GDPD3: variants seen among roughly 807,000 people sequenced by gnomAD.
GDPD3 encodes glycerophosphodiester phosphodiesterase domain containing 3, also known as lysophospholipase D GDPD3.
GDPD3 carries 40 observed loss-of-function variants against 43.7 expected under a neutral mutation model. The observed-to-expected ratio is 0.91, with a 90% confidence interval of 0.71 to 1.19. The LOEUF is 1.19. Ranked by LOEUF, GDPD3 falls within the 50% of genes most tolerant of loss-of-function variation. GDPD3 has a pLI of 0.00. For missense variants in GDPD3, 363 were observed against 415.8 expected, an observed-to-expected ratio of 0.87 and a Z score of 1.11; for synonymous variants, 145 against 162.9, an observed-to-expected ratio of 0.89 and a Z score of 0.84.
At position 30,112,243 on chromosome 16, in the gene GDPD3, G is replaced by C. The variant is rs765424635; in HGVS notation, c.484-22C>G. The C allele has an allele frequency of 6.2e-7, 1 of 1,613,670 alleles. No individual in the cohort carries two copies. The highest frequency in any genetic ancestry group is 8.5e-7 in the Non-Finnish European group (1 of 1,179,518). On this transcript the variant is annotated intron_variant, in intron 5 of 9. Transcript: ENST00000406256. The surrounding 1 kb of genome is among the most constrained non-coding windows in gnomAD (Gnocchi z 5.4). ...CTATCTGGGAGGAGGAGAAGGAGGT[G>C]AAGGGAGAGCCAGGCCTCTCTCACG...
chr16:30,109,107 G>A (rs531760992), intron 7 of GDPD3, among the ~76,000 whole-genome samples: 1 of 152,120 alleles, frequency 6.6e-6, no homozygotes, highest in Non-Finnish European at 1.5e-5. Flanking sequence ...TGGGATTACA[G>A]GCGTGAGCCA....
intron 7 of GDPD3, 60 bp downstream of exon 7, chr16:30,111,328 C>T (rs2072896975): frequency 3.2e-6 from 5 of 1,577,092 alleles, no homozygotes; most frequent in South Asian, 2.3e-5. Context: ...ATCTGGGCTC[C>T]TTCTCCACGG....
chr16:30,106,441 C>A (rs1476546178), intron 9 of GDPD3, among the ~76,000 whole-genome samples: 1 of 152,174 alleles, frequency 6.6e-6, no homozygotes, highest in South Asian at 2.1e-4. Flanking sequence ...CCCCCAAACC[C>A]CCATTCCACT....
In GDPD3 at chr16:30,113,039, G is replaced by T. The variant is rs368935847; in HGVS notation, c.165C>A (p.Thr55=). Residue 55 remains threonine, a synonymous_variant, in exon 2 of 10, where the codon ACC becomes ACA. Transcript: ENST00000406256. This position sits in a 1 kb window ranked among gnomAD's most constrained non-coding sequence, Gnocchi z 5.9. ...RGGSGELLEN[T]MEAMENSMAQ... is the part of the protein sequence containing the mutation. ...ACACTCACTTCTCCATGGCCTCCAT[G>T]GTGTTCTCCAGCAGCTCTCCAGATC... is the stretch of plus-strand genomic sequence containing the variant. 8.1e-6 allele frequency: 13 copies of T among 1,613,420 alleles called. No individual in the cohort carries two copies. Among genetic ancestry groups the T allele is most frequent in the Admixed American group, 6.7e-5 (4 of 59,984 alleles).
At position 30,113,520 on chromosome 16, in the gene GDPD3, C is replaced by A; in HGVS notation, c.-42G>T. ...AAGCTCCTGCAGCCACACGCTCAGC[C>A]GTCCGCGGGACTGTGCTGCCTGCCT... is the stretch of plus-strand genomic sequence containing the variant. On this transcript the variant is annotated 5_prime_UTR_variant, in exon 1 of 10. Coordinates refer to ENST00000406256, the MANE Select transcript of GDPD3 (RefSeq NM_024307.3). This position sits in a 1 kb window ranked among gnomAD's most constrained non-coding sequence, Gnocchi z 5.9. 1 of 1,503,400 alleles carries A rather than the reference C, an allele frequency of 6.7e-7. No individual in the cohort carries two copies. Among genetic ancestry groups the A allele is most frequent in the Non-Finnish European group, 8.9e-7 (1 of 1,117,632 alleles). The allele number at this position is 1,503,400 out of a possible 1,614,324, so 93.1% of individuals were successfully genotyped here. A position where few individuals can be genotyped will look rare whatever the true frequency, so the allele number is the denominator to read the frequency against.
At position 30,108,271 on chromosome 16, in the gene GDPD3, G is replaced by A; in HGVS notation, c.768-7C>T. The A allele has an allele frequency of 6.2e-7, 1 of 1,612,754 alleles. No individual in the cohort carries two copies. The highest frequency in any genetic ancestry group is 8.5e-7 in the Non-Finnish European group (1 of 1,179,296). On this transcript the variant is annotated splice_polypyrimidine_tract_variant and splice_region_variant and intron_variant, in intron 8 of 9. Coordinates refer to ENST00000406256, the MANE Select transcript of GDPD3 (RefSeq NM_024307.3). Reference sequence around the variant, plus strand: ...ACTCTTCCTCATGATCAGCCTGGGGGTGGGGTGGGGACGTGGGAGGTGATG... The same window carrying A: ...ACTCTTCCTCATGATCAGCCTGGGGATGGGGTGGGGACGTGGGAGGTGATG...
At chr16:30,108,997 A>C (rs1030489214) in intron 7 of GDPD3, among the ~76,000 whole-genome samples, 3 of 151,732 alleles carry the variant, frequency 2.0e-5, no homozygotes, top group Admixed American at 6.6e-5. Context: ...ACGCCTGCTA[A>C]TTTTTTGTAT....
chr16:30,110,602 G>A (rs1473467277), intron 7 of GDPD3: 1 of 149,596 alleles, frequency 6.7e-6, no homozygotes, highest in Non-Finnish European at 1.5e-5. Flanking sequence ...CCGGGCCCAG[G>A]GGCTCAGGTA....
At position 30,112,596 on chromosome 16, in the gene GDPD3, G is replaced by C; in HGVS notation, c.319-28C>G. The C allele has an allele frequency of 6.2e-7, 1 of 1,614,148 alleles. No homozygotes were observed. The highest frequency in any genetic ancestry group is 1.1e-5 in the South Asian group (1 of 91,084). On this transcript the variant is annotated intron_variant, in intron 3 of 9. Coordinates refer to ENST00000406256, the MANE Select transcript of GDPD3 (RefSeq NM_024307.3). This position sits in a 1 kb window ranked among gnomAD's most constrained non-coding sequence, Gnocchi z 5.4. ...GGGGAGGACAGGAAGGATGTCACTA[G>C]AGGCCCGCATTGGGCATGGTGACTC... is the stretch of plus-strand genomic sequence containing the variant.
intron 9 of GDPD3, among the ~76,000 whole-genome samples, chr16:30,105,458 A>G (rs1324737020): frequency 8.3e-6 from 1 of 120,418 alleles, no homozygotes; most frequent in Non-Finnish European, 1.8e-5. Flanking sequence ...CCTCGTCTCA[A>G]AAAAAAAAAA....
chr16:30,104,844 G>A lies in GDPD3; in HGVS notation c.*28C>T. ...GGCAAATATTTATTTTTCAGGAAGA[G>A]AAACAGGAGACCTCGAGGCTTCTGG... On this transcript the variant is annotated 3_prime_UTR_variant, in exon 10 of 10. Coordinates refer to ENST00000406256, the MANE Select transcript of GDPD3 (RefSeq NM_024307.3). 1.9e-6 allele frequency: 3 copies of A among 1,608,912 alleles called. No individual in the cohort carries two copies. Among genetic ancestry groups the A allele is most frequent in the Non-Finnish European group, 2.5e-6 (3 of 1,177,816 alleles).
At position 30,112,370 on chromosome 16, in the gene GDPD3, TG is replaced by T; in HGVS notation, c.418del (p.Gln140ArgfsTer8). The T allele has an allele frequency of 1.2e-6, 2 of 1,614,224 alleles. No individual in the cohort carries two copies. Among genetic ancestry groups the T allele is most frequent in the Non-Finnish European group, 1.7e-6 (2 of 1,180,042 alleles). The part of the protein sequence containing the change: ...RRMVRLEDLF[Q>X]RFPRTPMSVE... ...GCTCATGGGTGTCCTTGGAAACCTC[TG>T]GAACAGGTCCTCCAGACGAACCATG... On this transcript the variant is annotated frameshift_variant, in exon 5 of 10. Coordinates refer to ENST00000406256, the MANE Select transcript of GDPD3 (RefSeq NM_024307.3). LOFTEE classifies it high-confidence loss of function. The surrounding 1 kb of genome is among the most constrained non-coding windows in gnomAD (Gnocchi z 5.4).
rs2072915524 is a variant in GDPD3, at chr16:30,112,935, A to G, written c.182+87T>C. On this transcript the variant is annotated intron_variant, in intron 2 of 9. Coordinates refer to ENST00000406256, the MANE Select transcript of GDPD3 (RefSeq NM_024307.3). This position sits in a 1 kb window ranked among gnomAD's most constrained non-coding sequence, Gnocchi z 5.4. ...TCCAGGGGGCGCCAGTCACCCAGCT[A>G]GGAAGTGAATGGCGTCCCTTGCTGT... 1.3e-6 allele frequency: 2 copies of G among 1,494,364 alleles called. No homozygotes were observed. Among genetic ancestry groups the G allele is most frequent in the Admixed American group, 1.8e-5 (1 of 56,788 alleles). 92.6% of individuals were successfully genotyped at this position (1,494,364 alleles called of 1,614,324 possible). A position where few individuals can be genotyped will look rare whatever the true frequency, so the allele number is the denominator to read the frequency against.
intron 7 of GDPD3, among the ~76,000 whole-genome samples, chr16:30,108,802 A>C (rs2072878381): frequency 6.6e-6 from 1 of 151,542 alleles, no homozygotes; most frequent in Admixed American, 6.6e-5. Flanking sequence ...CCAGCTTCTT[A>C]TTTATCTATT....
rs371158265 is a variant in GDPD3 at position 30,108,429 on chromosome 16, G to A, written c.711C>T (p.Thr237=). 7.4e-6 allele frequency: 12 copies of A among 1,613,966 alleles called. No individual in the cohort carries two copies. Among genetic ancestry groups the A allele is most frequent in the Non-Finnish European group, 1.0e-5 (12 of 1,179,942 alleles). ...GGCAAGAGCAGGAAAATGGGAAATA[G>A]GTCCTGCAGAGAGAAGGAAGTGGGG... The part of the protein sequence containing the change: ...FCFLPNIINR[T]YFPFSCSCLN... Residue 237 remains threonine, a synonymous_variant, in exon 8 of 10, where the codon ACC becomes ACT. Coordinates refer to ENST00000406256, the MANE Select transcript of GDPD3 (RefSeq NM_024307.3).
chr16:30,108,189 T>A, intron 9 of GDPD3, 24 bp downstream of exon 9: 1 of 1,565,336 alleles, frequency 6.4e-7, no homozygotes, highest in South Asian at 1.2e-5. Flanking sequence ...CTGTGTGCGG[T>A]GGAAGTGGTG....
Position 30,113,079 on chromosome 16 carries a change from G to A in GDPD3, c.140-15C>T, listed in dbSNP as rs373056992. 1.3e-4 allele frequency: 207 copies of A among 1,611,694 alleles called. 4 individuals carry two copies. In the South Asian group the frequency reaches 1.8e-3, roughly 14 times the overall value. ...CTCTCCAGATCCTGTGGGGGGCACT[G>A]GAGTGGGCCTCTGGGGCTTGGGGTC... On this transcript the variant is annotated splice_polypyrimidine_tract_variant and intron_variant, in intron 1 of 9. Transcript: ENST00000406256. This position sits in a 1 kb window ranked among gnomAD's most constrained non-coding sequence, Gnocchi z 5.9.
chr16:30,111,190 A>G (rs2072896001), intron 7 of GDPD3, 198 bp downstream of exon 7: 1 of 602,998 alleles, frequency 1.7e-6, no homozygotes, highest in Non-Finnish European at 2.9e-6. Flanking sequence ...CTCTATCCTA[A>G]AACTCCACAT....
At position 30,112,287 on chromosome 16, in the gene GDPD3, G is replaced by A. The variant is rs199732760; in HGVS notation, c.483+19C>T. On this transcript the variant is annotated intron_variant, in intron 5 of 9. Transcript: ENST00000406256. The surrounding 1 kb of genome is among the most constrained non-coding windows in gnomAD (Gnocchi z 5.4). ...TCTCACGCCCCCGGTGGCCGCCCTA[G>A]CCCTGCCTGCAGCACCACCTCACGG... is the stretch of plus-strand genomic sequence containing the variant. The A allele has an allele frequency of 5.3e-5, 86 of 1,613,370 alleles. 1 individual carries two copies. The Admixed American group carries it at 1.4e-3, about 27-fold the overall frequency.
Sources: allele counts gnomAD v4.1 joint callset (sites outside exome capture counted in the v4.1 genomes callset), GRCh38; gene constraint gnomAD v4.1.1; non-coding constraint Gnocchi (gnomAD v3.1); transcripts MANE v1.5; gene names NCBI Gene and HGNC (gene_info 2026-07-23, HGNC 2026-07-21).